GRIN2B: variants seen among roughly 807,000 people sequenced by gnomAD.
The protein encoded by GRIN2B is glutamate ionotropic receptor NMDA type subunit 2B.
Under a neutral mutation model 114.5 loss-of-function variants are expected in GRIN2B, and 5 were observed. The observed-to-expected ratio is 0.04, with a 90% CI of 0.02 to 0.09. The LOEUF is 0.09. Ranked by LOEUF, GRIN2B falls within the 10% of genes least tolerant of loss-of-function variation. The pLI is 1.00. For missense variants in GRIN2B, 1,108 were observed against 1,943.5 expected, an observed-to-expected ratio of 0.57 and a Z score of 8.08; for synonymous variants, 787 against 745.1, an observed-to-expected ratio of 1.06 and a Z score of -0.92.
chr12:13,686,869 G>T (rs565226016), intron 4 of GRIN2B, among the ~76,000 whole-genome samples: 1 of 152,302 alleles, frequency 6.6e-6, no homozygotes, highest in Admixed American at 6.5e-5. Context: ...AATATTGGAG[G>T]TGGAGCCTAA....
chr12:13,738,289 G>A (rs1470902491), intron 4 of GRIN2B, among the ~76,000 whole-genome samples: 1 of 152,174 alleles, frequency 6.6e-6, no homozygotes, highest in Non-Finnish European at 1.5e-5. Context: ...AACCACTTGT[G>A]TACTCCAAAA....
chr12:13,731,370 C>A (rs141546499), intron 4 of GRIN2B, among the ~76,000 whole-genome samples: 1 of 152,048 alleles, frequency 6.6e-6, no homozygotes, highest in South Asian at 2.1e-4. Context: ...GAGGCTGAGA[C>A]GGGTGGATCA....
chr12:13,702,952 C>T (rs921317820), intron 4 of GRIN2B, among the ~76,000 whole-genome samples: 1 of 152,118 alleles, frequency 6.6e-6, no homozygotes, highest in Non-Finnish European at 1.5e-5. Flanking sequence ...AGAAGAGGGT[C>T]ATCATAACAT....
chr12:13,742,395 G>C (rs1008367416), intron 4 of GRIN2B, among the ~76,000 whole-genome samples: 2 of 152,180 alleles, frequency 1.3e-5, no homozygotes, highest in African/African-American at 4.8e-5. Flanking sequence ...GTCTACCAAA[G>C]ATATGGCCTT....
intron 2 of GRIN2B, among the ~76,000 whole-genome samples, chr12:13,913,293 C>A (rs970692011): frequency 2.6e-5 from 4 of 152,188 alleles, no homozygotes; most frequent in Non-Finnish European, 5.9e-5. Context: ...GATGCCCTTC[C>A]TGTACTCACC....
At chr12:13,937,022 C>A (rs1867140331) in intron 2 of GRIN2B, among the ~76,000 whole-genome samples, 1 of 146,792 alleles carries the variant, frequency 6.8e-6, no homozygotes, top group Non-Finnish European at 1.5e-5. Flanking sequence ...TTCACCTTGG[C>A]TGTCTGCCTA....
chr12:13,686,267 C>T (rs560768990), intron 4 of GRIN2B, among the ~76,000 whole-genome samples: 1 of 152,242 alleles, frequency 6.6e-6, no homozygotes, highest in South Asian at 2.1e-4. Flanking sequence ...GAGATTGACC[C>T]TTGAGTCAGA....
intron 3 of GRIN2B, among the ~76,000 whole-genome samples, chr12:13,803,020 A>G (rs1330790245): frequency 6.6e-6 from 1 of 152,104 alleles, no homozygotes; most frequent in East Asian, 1.9e-4. Flanking sequence ...AGCCTACTCA[A>G]TTTGAGTATG....
rs149289636 is a variant in GRIN2B, at chr12:13,856,616, A to G, written c.411+9182T>C. 1.9e-3 allele frequency among the ~76,000 whole-genome samples: 291 copies of G among 152,222 alleles called. 4 individuals are homozygous for G. In the East Asian group the frequency reaches 0.027, roughly 14 times the overall value. On this transcript the variant is annotated intron_variant, in intron 3 of 13. Transcript: ENST00000609686. ...CCTTTTTAGAACTCTTGGTTTCTAT[A>G]ATGCTTCTCCTTCCTTGCTCTTCTT...
At chr12:13,737,628 C>T (rs1863209497) in intron 4 of GRIN2B, among the ~76,000 whole-genome samples, 1 of 152,162 alleles carries the variant, frequency 6.6e-6, no homozygotes, top group South Asian at 2.1e-4. Context: ...GGACGTGATA[C>T]AAAATGGTGT....
At chr12:13,929,415 T>C (rs1444518341) in intron 2 of GRIN2B, among the ~76,000 whole-genome samples, 3 of 152,228 alleles carry the variant, frequency 2.0e-5, no homozygotes, top group South Asian at 2.1e-4. Context: ...ATTTCTGCAC[T>C]AGCCCTGCCC....
Position 13,748,569 on chromosome 12 carries a change from C to T in GRIN2B, c.1010+4748G>A, listed in dbSNP as rs1275024731. Among the ~76,000 whole-genome samples, 4 of 152,112 alleles carry T rather than the reference C, an allele frequency of 2.6e-5. No individual in the cohort carries two copies. In the South Asian group the frequency reaches 6.2e-4, roughly 24 times the overall value. ...ATTTTCAGATCATCTGGTACCAAAA[C>T]GTTTTTAGACTTTTCTCAGGAACCA... On this transcript the variant is annotated intron_variant, in intron 4 of 13. Transcript: ENST00000609686.
At chr12:13,965,136 A>G (rs1485528897) in intron 2 of GRIN2B, among the ~76,000 whole-genome samples, 1 of 152,172 alleles carries the variant, frequency 6.6e-6, no homozygotes, top group East Asian at 1.9e-4. Context: ...CCTTAATTAC[A>G]TATATCAGTT....
intron 2 of GRIN2B, among the ~76,000 whole-genome samples, chr12:13,970,475 A>T (rs1178606097): frequency 6.6e-6 from 1 of 152,194 alleles, no homozygotes; most frequent in African/African-American, 2.4e-5. Context: ...TCTTCAATGC[A>T]CGTTCATTTC....
chr12:13,672,916 G>A (rs1472200746), intron 5 of GRIN2B, among the ~76,000 whole-genome samples: 2 of 152,092 alleles, frequency 1.3e-5, no homozygotes, highest in Admixed American at 1.3e-4. Context: ...ATTCTTAATG[G>A]TAGATTTTGG....
chr12:13,863,183 C>T (rs1456393873), intron 3 of GRIN2B, among the ~76,000 whole-genome samples: 1 of 152,132 alleles, frequency 6.6e-6, no homozygotes, highest in African/African-American at 2.4e-5. Context: ...GGTGTCAGTT[C>T]TCCTATTTAC....
chr12:13,603,957 T>C (rs529157591), intron 10 of GRIN2B, among the ~76,000 whole-genome samples: 141 of 152,184 alleles, frequency 9.3e-4, no homozygotes, highest in African/African-American at 3.2e-3. Context: ...GTGAAGACTA[T>C]CCAAATAGCA....
chr12:13,619,339 C>T (rs746936177), intron 5 of GRIN2B, among the ~76,000 whole-genome samples: 1 of 152,138 alleles, frequency 6.6e-6, no homozygotes, highest in Non-Finnish European at 1.5e-5. Context: ...ATTGCAATAA[C>T]AATGGTATAT....
chr12:13,716,018 A>T (rs1306870823), intron 4 of GRIN2B, among the ~76,000 whole-genome samples: 2 of 151,886 alleles, frequency 1.3e-5, no homozygotes. Context: ...TAAGTCCAAA[A>T]ATCACTGAGC....
Sources: gnomAD v4.1 joint callset for allele counts (sites outside exome capture counted in the v4.1 genomes callset) on GRCh38, gnomAD v4.1.1 for gene constraint, MANE v1.5 for transcripts, NCBI Gene and HGNC (gene_info 2026-07-23, HGNC 2026-07-21) for gene names.